The following EFR3A variants were observed in gnomAD, a reference collection of about 807,000 sequenced individuals.
EFR3A encodes EFR3 homolog A.
In EFR3A, 76 loss-of-function variants were observed where a neutral mutation model predicts 104.4. That is an observed-to-expected ratio of 0.73 (90% confidence interval 0.60 to 0.88). The LOEUF (loss-of-function observed/expected upper bound fraction) is 0.88, where lower values mean the gene tolerates loss of function less well. Among genes scored for constraint, EFR3A ranks in the 40% least tolerant of loss-of-function variants. The pLI is 0.00. For synonymous variants in EFR3A, 330 were observed against 330.0 expected, an observed-to-expected ratio of 1.00 and a Z score of 0.00; for missense variants, 985 against 1,012.5, an observed-to-expected ratio of 0.97 and a Z score of 0.37.
intron 4 of EFR3A, among the ~76,000 whole-genome samples, chr8:131,948,567 C>A (rs947355030): frequency 2.0e-5 from 3 of 152,090 alleles, no homozygotes; most frequent in African/African-American, 7.2e-5. Context: ...ACTTAGGCTT[C>A]TCCTGTTTTG....
chr8:131,907,545 A>G (rs1939995503), intron 1 of EFR3A, among the ~76,000 whole-genome samples: 1 of 152,174 alleles, frequency 6.6e-6, no homozygotes, highest in Non-Finnish European at 1.5e-5. Context: ...TTAGGCTGTA[A>G]TAATAATATG....
chr8:131,909,867 G>C (rs1291766654), intron 1 of EFR3A, among the ~76,000 whole-genome samples: 1 of 152,190 alleles, frequency 6.6e-6, no homozygotes, highest in African/African-American at 2.4e-5. Context: ...ATTGTCCCTG[G>C]TTGAGAACCA....
intron 1 of EFR3A, chr8:131,940,002 G>A (rs1177689800): frequency 2.5e-5 from 4 of 157,570 alleles, no homozygotes; most frequent in South Asian, 1.8e-4. Flanking sequence ...TGGTCAGAGA[G>A]GCGTAGATGA....
chr8:131,966,246 A>G, intron 8 of EFR3A, among the ~76,000 whole-genome samples: 1 of 152,086 alleles, frequency 6.6e-6, no homozygotes, highest in South Asian at 2.1e-4. Context: ...CAAAAAAAAG[A>G]GTTTCTGCAT....
rs1278533206 is a variant in EFR3A, at chr8:131,955,900, T to A, written c.771T>A (p.Val257=). 23 of 1,612,704 alleles carry A rather than the reference T, an allele frequency of 1.4e-5. No individual in the cohort carries two copies. The highest frequency in any genetic ancestry group is 1.9e-5 in the Non-Finnish European group (22 of 1,179,284). The change falls in exon 7 of 23, where the codon GTT becomes GTA. Residue 257 remains valine (V), a synonymous_variant. Coordinates refer to ENST00000254624, the MANE Select transcript of EFR3A (RefSeq NM_015137.6). The part of the protein sequence containing the change: ...FGNMNNAVRP[V]FAHLDHHKLW... ...ATATGAATAATGCTGTTAGACCAGTTTTTGCGTAAGTAGTTGGTGTTTTCC... is the reference window on the plus strand; with the variant it reads ...ATATGAATAATGCTGTTAGACCAGTATTTGCGTAAGTAGTTGGTGTTTTCC...
At chr8:131,971,645 G>A (rs201897226) in intron 10 of EFR3A, among the ~76,000 whole-genome samples, 9 of 149,672 alleles carry the variant, frequency 6.0e-5, no homozygotes, top group African/African-American at 2.2e-4. Flanking sequence ...CCGAGATGGC[G>A]CCACTGCACT....
chr8:131,964,867 G>T (rs1002777800), intron 8 of EFR3A, among the ~76,000 whole-genome samples: 2 of 150,762 alleles, frequency 1.3e-5, no homozygotes, highest in Non-Finnish European at 1.5e-5. Flanking sequence ...CCAAAACAGA[G>T]ATATAGACCA....
chr8:132,005,378 C>T (rs1012314831), intron 22 of EFR3A, among the ~76,000 whole-genome samples: 8 of 151,756 alleles, frequency 5.3e-5, no homozygotes, highest in African/African-American at 1.7e-4. Context: ...TATTATACTT[C>T]GCTCCCACTG....
chr8:131,907,840 C>G (rs1157202393), intron 1 of EFR3A, among the ~76,000 whole-genome samples: 1 of 151,742 alleles, frequency 6.6e-6, no homozygotes, highest in Admixed American at 6.6e-5. Flanking sequence ...TCCCATCTCC[C>G]TCCTTCCTCC....
chr8:131,925,787 C>T (rs755408877), intron 1 of EFR3A, among the ~76,000 whole-genome samples: 60 of 152,024 alleles, frequency 3.9e-4, no homozygotes, highest in Non-Finnish European at 3.7e-4. Context: ...GTAGAAAGAT[C>T]TTCTACCTGT....
At chr8:131,920,650 G>A (rs1172930299) in intron 1 of EFR3A, among the ~76,000 whole-genome samples, 1 of 151,716 alleles carries the variant, frequency 6.6e-6, no homozygotes, top group African/African-American at 2.4e-5. Context: ...ATGTTTTGAC[G>A]ACGTTGCTTT....
At position 131,970,457 on chromosome 8, in the gene EFR3A, CAT is replaced by C; in HGVS notation, c.992-17_992-16del. On this transcript the variant is annotated splice_polypyrimidine_tract_variant and intron_variant, in intron 9 of 22. Coordinates refer to ENST00000254624, the MANE Select transcript of EFR3A (RefSeq NM_015137.6). ...AATACTAGAAACATGTATCTTCTCA[CAT>C]AAGTGATCCTTTATAGGTCCGACAG... 1 of 1,609,582 alleles carries C rather than the reference CAT, an allele frequency of 6.2e-7. No individual in the cohort carries two copies. Among genetic ancestry groups the C allele is most frequent in the African/African-American group, 1.3e-5 (1 of 74,986 alleles).
intron 1 of EFR3A, among the ~76,000 whole-genome samples, chr8:131,933,418 T>G (rs754736229): frequency 3.9e-5 from 6 of 152,152 alleles, no homozygotes; most frequent in Admixed American, 6.6e-5. Context: ...TCCGTTGGGT[T>G]GTTTCCTATT....
At chr8:131,975,768 T>TTC (rs1820296479) in intron 10 of EFR3A, among the ~76,000 whole-genome samples, 1 of 152,182 alleles carries the variant, frequency 6.6e-6, no homozygotes, top group Non-Finnish European at 1.5e-5. Flanking sequence ...TCCCGGTTTG[T>TTC]CACTGTTATA....
At chr8:131,978,720 A>G (rs958374419) in intron 12 of EFR3A, 127 bp from the exon 13 acceptor site, 4 of 719,106 alleles carry the variant, frequency 5.6e-6, no homozygotes, top group African/African-American at 5.5e-5. Flanking sequence ...CATTTCTTTT[A>G]TGTCTTTTCT....
intron 5 of EFR3A, among the ~76,000 whole-genome samples, chr8:131,953,343 T>A (rs1818804432): frequency 6.6e-6 from 1 of 152,138 alleles, no homozygotes; most frequent in East Asian, 1.9e-4. Flanking sequence ...TAATACCTTT[T>A]AAAAGAACCA....
rs1339302576 is a variant in EFR3A at position 131,904,187 on chromosome 8, C to T, written c.-126C>T. The stretch of plus-strand genomic sequence containing the variant: ...GGGGTCCGCGTCCGCTCCCTCCACC[C>T]TTCGCCCTTCGCCCTTCGCCTCGTT... On this transcript the variant is annotated 5_prime_UTR_variant, in exon 1 of 23. Coordinates refer to ENST00000254624, the MANE Select transcript of EFR3A (RefSeq NM_015137.6). The T allele has an allele frequency of 3.7e-6, 4 of 1,095,122 alleles. No homozygotes were observed. Among genetic ancestry groups the T allele is most frequent in the Non-Finnish European group, 2.3e-6 (2 of 859,894 alleles). The allele number at this position is 1,095,122 out of a possible 1,614,324, so 67.8% of individuals were successfully genotyped here. A position where few individuals can be genotyped will look rare whatever the true frequency, so the allele number is the denominator to read the frequency against.
chr8:131,935,534 T>A (rs1214900010), intron 1 of EFR3A: 1 of 445,134 alleles, frequency 2.2e-6, no homozygotes. Context: ...CATACATATG[T>A]CAGTCAATTT....
At chr8:131,981,225 C>T (rs1281498140) in intron 14 of EFR3A, among the ~76,000 whole-genome samples, 3 of 151,872 alleles carry the variant, frequency 2.0e-5, no homozygotes, top group African/African-American at 7.2e-5. Context: ...GACTGGATTT[C>T]ATTTTATCCA....
Sources: allele counts gnomAD v4.1 joint callset (sites outside exome capture counted in the v4.1 genomes callset), GRCh38; gene constraint gnomAD v4.1.1; transcripts MANE v1.5; gene names NCBI Gene and HGNC (gene_info 2026-07-23, HGNC 2026-07-21).